MIPOL1: variants seen among roughly 807,000 people sequenced by gnomAD.
MIPOL1 encodes the protein mirror-image polydactyly 1.
MIPOL1 carries 57 observed loss-of-function variants against 60.9 expected under a neutral mutation model. That is an observed-to-expected ratio of 0.94 (90% confidence interval 0.76 to 1.17). The LOEUF (loss-of-function observed/expected upper bound fraction) is 1.17, where lower values mean the gene tolerates loss of function less well. Ranked by LOEUF, MIPOL1 falls within the 50% of genes most tolerant of loss-of-function variation. The pLI, the probability that MIPOL1 is intolerant of heterozygous loss-of-function variation, is 0.00. For missense variants in MIPOL1, 551 were observed against 511.6 expected, an observed-to-expected ratio of 1.08 and a Z score of -0.74; for synonymous variants, 179 against 168.8, an observed-to-expected ratio of 1.06 and a Z score of -0.47.
At chr14:37,299,939 T>C (rs1484149713) in intron 7 of MIPOL1, among the ~76,000 whole-genome samples, 1 of 152,078 alleles carries the variant, frequency 6.6e-6, no homozygotes, top group Non-Finnish European at 1.5e-5. Context: ...TTGAGGCATA[T>C]TGATCAAGGT....
At position 37,451,819 on chromosome 14, in the gene MIPOL1, T is replaced by C. The variant is rs1393969963; in HGVS notation, c.1031+28870T>C. On this transcript the variant is annotated intron_variant, in intron 11 of 12. Coordinates refer to ENST00000684589, the MANE Select transcript of MIPOL1 (RefSeq NM_001388067.1). ...TTTGTTTATTCTCTCTTTTTTTTTT[T>C]TTTTTTTTTTTTTGAGACGGAGTCT... Among the ~76,000 whole-genome samples, 37 of 131,554 alleles carry C rather than the reference T, an allele frequency of 2.8e-4. 1 individual carries two copies. Among genetic ancestry groups the C allele is most frequent in the African/African-American group, 1.3e-3 (37 of 28,220 alleles). The allele number at this position is 131,554 out of a possible 152,430, so 86.3% of individuals were successfully genotyped here.
chr14:37,239,850 A>G (rs1972074858), intron 1 of MIPOL1, among the ~76,000 whole-genome samples: 1 of 152,196 alleles, frequency 6.6e-6, no homozygotes, highest in Non-Finnish European at 1.5e-5. Context: ...CTATAAGTCT[A>G]ATTTATTTTA....
intron 12 of MIPOL1, among the ~76,000 whole-genome samples, chr14:37,522,752 A>G (rs1188518349): frequency 2.6e-5 from 4 of 152,170 alleles, no homozygotes; most frequent in African/African-American, 7.2e-5. Flanking sequence ...ATCGTGTAGT[A>G]TAAATTGTTT....
chr14:37,427,766 G>A (rs979385349), intron 11 of MIPOL1, among the ~76,000 whole-genome samples: 1 of 152,094 alleles, frequency 6.6e-6, no homozygotes, highest in African/African-American at 2.4e-5. Flanking sequence ...TTAAATGAAA[G>A]TAAACAGTAT....
rs1477351644 is a variant in MIPOL1 at position 37,549,869 on chromosome 14, GT to G, written c.*2903del. 14 of 151,812 alleles carry G rather than the reference GT, an allele frequency of 9.2e-5. No homozygotes were observed. Among genetic ancestry groups the G allele is most frequent in the African/African-American group, 3.4e-4 (14 of 41,376 alleles). 9.4% of individuals were successfully genotyped at this position (151,812 alleles called of 1,614,324 possible). On this transcript the variant is annotated 3_prime_UTR_variant, in exon 13 of 13. Transcript: ENST00000684589. ...AACATAACATGAGTCTCTTTGTACT[GT>G]TTTTAATTTGGCCTGATGCTAAAAC...
intron 9 of MIPOL1, among the ~76,000 whole-genome samples, chr14:37,339,238 C>T (rs1408912423): frequency 2.0e-5 from 3 of 152,134 alleles, no homozygotes; most frequent in Non-Finnish European, 2.9e-5. Flanking sequence ...ATCAGGAAAA[C>T]ATAAATTTAA....
intron 12 of MIPOL1, among the ~76,000 whole-genome samples, chr14:37,541,644 A>G (rs777145511): frequency 2.8e-4 from 43 of 152,224 alleles, no homozygotes; most frequent in Middle Eastern, 3.4e-3. Flanking sequence ...TCCTCACTCT[A>G]TGCTTTCAGC....
intron 10 of MIPOL1, chr14:37,369,858 AC>A (rs2092591123): frequency 4.1e-6 from 1 of 246,896 alleles, no homozygotes. Flanking sequence ...TATATTAATA[AC>A]TTTTGGTAAA....
intron 12 of MIPOL1, among the ~76,000 whole-genome samples, chr14:37,524,942 A>G (rs954165867): frequency 6.6e-6 from 1 of 152,154 alleles, no homozygotes; most frequent in African/African-American, 2.4e-5. Flanking sequence ...TGGAAATAAA[A>G]TGAGCATGAT....
At chr14:37,482,466 TTTAA>T (rs1212793965) in intron 11 of MIPOL1, among the ~76,000 whole-genome samples, 1 of 151,738 alleles carries the variant, frequency 6.6e-6, no homozygotes, top group Non-Finnish European at 1.5e-5. Flanking sequence ...AGAAAAGAGG[TTTAA>T]TTGACTCACA....
At chr14:37,422,780 C>A in intron 10 of MIPOL1, 75 bp from the exon 11 acceptor site, 2 of 901,590 alleles carry the variant, frequency 2.2e-6, no homozygotes, top group South Asian at 1.7e-5. Context: ...TTTAAGACTA[C>A]TGTTCTTACC....
At chr14:37,389,411 T>C (rs2153518299) in intron 10 of MIPOL1, among the ~76,000 whole-genome samples, 1 of 152,064 alleles carries the variant, frequency 6.6e-6, no homozygotes, top group African/African-American at 2.4e-5. Context: ...TATACGTAAA[T>C]GAATATTGCA....
chr14:37,332,323 G>T (rs11156942), intron 9 of MIPOL1, among the ~76,000 whole-genome samples: 151,259 of 152,302 alleles, frequency 0.99, 75,121 homozygotes, highest in Middle Eastern at 1. Context: ...GATTATATCA[G>T]TTTTGTCCTT....
chr14:37,442,391 A>G (rs1014158848), intron 11 of MIPOL1, among the ~76,000 whole-genome samples: 1 of 152,108 alleles, frequency 6.6e-6, no homozygotes, highest in Non-Finnish European at 1.5e-5. Context: ...TGCTCTGACT[A>G]GGACTTCCAG....
At position 37,394,024 on chromosome 14, in the gene MIPOL1, G is replaced by A. The variant is rs1475284846; in HGVS notation, c.936+24400G>A. Among the ~76,000 whole-genome samples, 9 of 127,160 alleles carry A rather than the reference G, an allele frequency of 7.1e-5. No homozygotes were observed. In the South Asian group the frequency reaches 1.6e-3, roughly 22 times the overall value. The allele number at this position is 127,160 out of a possible 152,430, so 83.4% of individuals were successfully genotyped here. On this transcript the variant is annotated intron_variant, in intron 10 of 12. Transcript: ENST00000684589. ...TCTCATCCAGGTTGCTGCAAATGCC[G>A]TTAATTCATTCCTTTTTATGGCTTA...
At chr14:37,327,215 GAAGAAATCCAGGT>G (rs2089245893) in intron 9 of MIPOL1, among the ~76,000 whole-genome samples, 2 of 152,150 alleles carry the variant, frequency 1.3e-5, no homozygotes, top group South Asian at 4.1e-4. Context: ...GCAGTGTGTG[GAAGAAATCCAGGT>G]AAGAAAATGA....
At chr14:37,526,141 C>G (rs532964610) in intron 12 of MIPOL1, among the ~76,000 whole-genome samples, 2 of 149,504 alleles carry the variant, frequency 1.3e-5, no homozygotes, top group South Asian at 4.2e-4. Flanking sequence ...AATAATTTGA[C>G]TAAATATTAG....
chr14:37,359,897 C>T (rs538281118), intron 9 of MIPOL1, among the ~76,000 whole-genome samples: 74 of 152,104 alleles, frequency 4.9e-4, no homozygotes, highest in South Asian at 3.3e-3. Flanking sequence ...TGTCTTGTGC[C>T]GGTTTTCAAA....
At chr14:37,360,013 T>C (rs1165050515) in intron 9 of MIPOL1, among the ~76,000 whole-genome samples, 1 of 152,130 alleles carries the variant, frequency 6.6e-6, no homozygotes, top group Non-Finnish European at 1.5e-5. Flanking sequence ...TAGTTCATTG[T>C]GAGTTTTTAG....
Sources: gnomAD v4.1 joint callset for allele counts (sites outside exome capture counted in the v4.1 genomes callset) on GRCh38, gnomAD v4.1.1 for gene constraint, MANE v1.5 for transcripts, NCBI Gene and HGNC (gene_info 2026-07-23, HGNC 2026-07-21) for gene names.